Variants in RBBP8 observed in about 807,000 individuals in gnomAD.
RBBP8 encodes DNA endonuclease RBBP8.
A neutral mutation model predicts 108.3 loss-of-function variants in RBBP8; 88 were observed. The observed-to-expected ratio is 0.81, with a 90% CI of 0.68 to 0.97. The LOEUF (loss-of-function observed/expected upper bound fraction) is 0.97, where lower values mean the gene tolerates loss of function less well. RBBP8 is among the 50% of genes least tolerant of loss of function. The pLI is 0.00. For missense variants in RBBP8, 1,023 were observed against 1,049.0 expected, an observed-to-expected ratio of 0.98 and a Z score of 0.34; for synonymous variants, 332 against 348.2, an observed-to-expected ratio of 0.95 and a Z score of 0.52.
upstream of RBBP8, among the ~76,000 whole-genome samples, chr18:22,930,142 A>G (rs983207072): frequency 1.3e-5 from 2 of 152,224 alleles, no homozygotes; most frequent in African/African-American, 4.8e-5. Context: ...CTGCTATCAC[A>G]CAATTTATTT....
At chr18:22,937,892 C>T (rs1029875802) in intron 2 of RBBP8, among the ~76,000 whole-genome samples, 1 of 151,832 alleles carries the variant, frequency 6.6e-6, no homozygotes, top group African/African-American at 2.4e-5. Context: ...GTGGTATGGT[C>T]ACAGCTCACT....
In RBBP8 at chr18:22,921,318, C is replaced by A. The variant is rs1352157382; in HGVS notation, c.-154+4292C>A. On this transcript the variant is annotated intron_variant, in intron 3 of 4. Transcript: ENST00000577588. The stretch of plus-strand genomic sequence containing the variant: ...AGCCATCAAACTACCCCAGAATAGC[C>A]TGTCAGAAGACACAAGAGAAGAGCA... Among the ~76,000 whole-genome samples, 5 of 152,220 alleles carry A rather than the reference C, an allele frequency of 3.3e-5. 1 individual carries two copies. The South Asian group carries it at 1.0e-3, about 32-fold the overall frequency.
chr18:23,016,760 T>C (rs2046261335), intron 16 of RBBP8, 68 bp from the exon 17 acceptor site: 1 of 1,150,892 alleles, frequency 8.7e-7, no homozygotes, highest in South Asian at 1.2e-5. Context: ...TAAAAATGAA[T>C]GAATGTTTTG....
In RBBP8 at chr18:22,936,775, G is replaced by T; in HGVS notation, c.-77G>T. 1 of 1,564,234 alleles carries T rather than the reference G, an allele frequency of 6.4e-7. No individual in the cohort carries two copies. The highest frequency in any genetic ancestry group is 1.1e-5 in the South Asian group (1 of 89,842). ...TCAGGTATTTGACCTGTCCAAAGACGACTTGATACCTCTATAATGTAACAG... is the reference window on the plus strand; with the variant it reads ...TCAGGTATTTGACCTGTCCAAAGACTACTTGATACCTCTATAATGTAACAG... On this transcript the variant is annotated 5_prime_UTR_variant, in exon 2 of 19. Transcript: ENST00000327155.
At chr18:22,948,031 C>A (rs1447212009) in intron 3 of RBBP8, among the ~76,000 whole-genome samples, 1 of 151,924 alleles carries the variant, frequency 6.6e-6, no homozygotes, top group African/African-American at 2.4e-5. Context: ...TAAGAAAAAA[C>A]CCTTTGCTAT....
intron 16 of RBBP8, among the ~76,000 whole-genome samples, chr18:23,008,756 T>C (rs2046102539): frequency 1.3e-5 from 2 of 148,990 alleles, no homozygotes; most frequent in South Asian, 2.1e-4. Flanking sequence ...AAAAGATTTT[T>C]TGTATGACTT....
chr18:23,006,502 C>CT (rs1382090922), intron 16 of RBBP8, 70 bp downstream of exon 16: 2 of 1,309,122 alleles, frequency 1.5e-6, no homozygotes, highest in Admixed American at 1.8e-5. Flanking sequence ...ATTTCTCTCT[C>CT]TTTTTTCTTT....
chr18:22,952,604 G>T (rs189032894), intron 4 of RBBP8, among the ~76,000 whole-genome samples: 120 of 152,184 alleles, frequency 7.9e-4, no homozygotes, highest in African/African-American at 2.6e-3. Context: ...ACTCTAATCT[G>T]TGTTATATAA....
Position 23,026,398 on chromosome 18 carries a change from T to G in RBBP8, c.*158T>G. On this transcript the variant is annotated 3_prime_UTR_variant, in exon 19 of 19. Coordinates refer to ENST00000327155, the MANE Select transcript of RBBP8 (RefSeq NM_002894.3). ...GTTTGTGATATTTTGCTTTTGCACCTTTAAAACAATAAGGCGCTTTCATTT... is the reference window on the plus strand; with the variant it reads ...GTTTGTGATATTTTGCTTTTGCACCGTTAAAACAATAAGGCGCTTTCATTT... 1 of 686,186 alleles carries G rather than the reference T, an allele frequency of 1.5e-6. No individual in the cohort carries two copies. Among genetic ancestry groups the G allele is most frequent in the South Asian group, 1.7e-5 (1 of 57,516 alleles). The allele number at this position is 686,186 out of a possible 1,614,324, so 42.5% of individuals were successfully genotyped here. A position where few individuals can be genotyped will look rare whatever the true frequency, so the allele number is the denominator to read the frequency against.
intron 3 of RBBP8, among the ~76,000 whole-genome samples, chr18:22,921,495 G>C (rs370252302): frequency 1.2e-4 from 19 of 152,344 alleles, no homozygotes; most frequent in African/African-American, 4.3e-4. Context: ...TCACCTGCAT[G>C]AATCTGGTTG....
rs757175836 is a variant in RBBP8, at chr18:22,997,675, T to C, written c.2084T>C (p.Val695Ala). The stretch of plus-strand genomic sequence containing the variant: ...ACAGTGGACATGGACTGTACATTGG[T>C]TAGTGAAACCGTTCTCTTAAAAATG... ...GETVDMDCTL[V>A]SETVLLKMKK... The change falls in exon 14 of 19, where the codon GTT becomes GCT. Residue 695 changes from valine to alanine, a missense_variant. Coordinates refer to ENST00000327155, the MANE Select transcript of RBBP8 (RefSeq NM_002894.3). The C allele has an allele frequency of 1.1e-5, 17 of 1,610,928 alleles. No homozygotes were observed. The highest frequency in any genetic ancestry group is 1.4e-5 in the Non-Finnish European group (17 of 1,178,090).
intron 8 of RBBP8, among the ~76,000 whole-genome samples, chr18:22,985,805 G>A (rs1915287084): frequency 2.6e-5 from 4 of 152,114 alleles, no homozygotes; most frequent in Admixed American, 2.6e-4. Flanking sequence ...GACACATATG[G>A]AGGTCATCAG....
At chr18:22,937,888 TG>T (rs1168958492) in intron 2 of RBBP8, among the ~76,000 whole-genome samples, 1 of 151,712 alleles carries the variant, frequency 6.6e-6, no homozygotes, top group Non-Finnish European at 1.5e-5. Context: ...TGCAGTGGTA[TG>T]GTCACAGCTC....
chr18:22,972,820 T>A (rs937293080), intron 5 of RBBP8, among the ~76,000 whole-genome samples: 38 of 152,186 alleles, frequency 2.5e-4, no homozygotes, highest in African/African-American at 5.1e-4. Context: ...GATATTTTTT[T>A]AAAAAATTAC....
intron 18 of RBBP8, among the ~76,000 whole-genome samples, chr18:23,022,668 T>TAAATAAAATAAAAAAAATAA (rs1175474463): frequency 7.4e-6 from 1 of 136,030 alleles, no homozygotes; most frequent in Non-Finnish European, 1.6e-5. Context: ...TAAAATAAAA[T>TAAATAAAATAAAAAAAATAA]AAATAACTGT....
intron 2 of RBBP8, among the ~76,000 whole-genome samples, chr18:22,945,528 C>T (rs1372666581): frequency 7.2e-5 from 11 of 151,966 alleles, no homozygotes; most frequent in Non-Finnish European, 1.6e-4. Flanking sequence ...GGGTTACAAG[C>T]ATGTGCCACC....
At chr18:23,010,918 A>G (rs1162864604) in intron 16 of RBBP8, among the ~76,000 whole-genome samples, 1 of 152,236 alleles carries the variant, frequency 6.6e-6, no homozygotes, top group Non-Finnish European at 1.5e-5. Flanking sequence ...TCACGATAAG[A>G]CACTATAGAA....
chr18:22,989,828 A>C (rs1222490203), intron 9 of RBBP8, among the ~76,000 whole-genome samples: 3 of 151,868 alleles, frequency 2.0e-5, no homozygotes, highest in African/African-American at 7.3e-5. Context: ...ATATACCATT[A>C]TGCCTAGCTA....
At chr18:22,996,794 C>T (rs1421729229) in intron 13 of RBBP8, among the ~76,000 whole-genome samples, 2 of 152,088 alleles carry the variant, frequency 1.3e-5, no homozygotes, top group East Asian at 3.9e-4. Context: ...GCCAGGAATT[C>T]GAGACCAGCC....
Sources: gnomAD v4.1 joint callset for allele counts (sites outside exome capture counted in the v4.1 genomes callset) on GRCh38, gnomAD v4.1.1 for gene constraint, MANE v1.5 for transcripts, NCBI Gene and HGNC (gene_info 2026-07-23, HGNC 2026-07-21) for gene names.